Variants in MME observed in about 807,000 individuals in gnomAD.
The protein encoded by MME is neprilysin.
MME carries 98 observed loss-of-function variants against 113.2 expected under a neutral mutation model. That is an observed-to-expected ratio of 0.87 (90% CI 0.74 to 1.02). The LOEUF (loss-of-function observed/expected upper bound fraction) is 1.02. Ranked by LOEUF, MME falls within the 50% of genes least tolerant of loss-of-function variation. MME has a pLI of 0.00. For synonymous variants in MME, 292 were observed against 300.6 expected, an observed-to-expected ratio of 0.97 and a Z score of 0.30; for missense variants, 836 against 896.0, an observed-to-expected ratio of 0.93 and a Z score of 0.86.
intron 1 of MME, among the ~76,000 whole-genome samples, chr3:155,060,902 T>C (rs991396291): frequency 5.3e-5 from 8 of 152,024 alleles, no homozygotes; most frequent in Admixed American, 4.6e-4. Flanking sequence ...TTTCTCTTCT[T>C]ATAAGGACAC....
chr3:155,086,694 TG>T (rs1371638923), intron 3 of MME, among the ~76,000 whole-genome samples: 3 of 152,346 alleles, frequency 2.0e-5, no homozygotes, highest in Admixed American at 6.5e-5. Context: ...ACAATATTTG[TG>T]TCCTTTAACA....
Position 155,084,099 on chromosome 3 carries a change from T to G in MME, c.-10-59T>G, listed in dbSNP as rs1715423460. ...ACTTTTATCCAGCCACATTAAGCAT[T>G]TGGACATTTTCTTTTTTATTTATTT... On this transcript the variant is annotated intron_variant, in intron 1 of 22. Coordinates refer to ENST00000360490, the MANE Select transcript of MME (RefSeq NM_007289.4). 4.4e-6 allele frequency: 6 copies of G among 1,357,228 alleles called. No homozygotes were observed. In the Admixed American group the frequency reaches 1.0e-4, roughly 23 times the overall value. 84.1% of individuals were successfully genotyped at this position (1,357,228 alleles called of 1,614,324 possible).
At chr3:155,118,724 C>A (rs368251173) in intron 7 of MME, 22 bp from the exon 8 acceptor site, 40 of 1,461,680 alleles carry the variant, frequency 2.7e-5, no homozygotes, top group Non-Finnish European at 3.8e-5. Flanking sequence ...GATTTATTTT[C>A]TTTTATGTAT....
At chr3:155,085,758 T>G (rs1715647479) in intron 3 of MME, 1 of 152,308 alleles carries the variant, frequency 6.6e-6, no homozygotes, top group African/African-American at 2.4e-5. Flanking sequence ...TTCGAACTCC[T>G]GCCCTCAGGT....
chr3:155,133,964 G>A (rs146142757), intron 8 of MME, among the ~76,000 whole-genome samples: 293 of 151,408 alleles, frequency 1.9e-3, no homozygotes, highest in African/African-American at 6.8e-3. Context: ...CTGCATGCTT[G>A]TACTTTGGAA....
intron 1 of MME, among the ~76,000 whole-genome samples, chr3:155,031,342 A>T (rs1168603926): frequency 6.6e-6 from 1 of 152,122 alleles, no homozygotes; most frequent in Non-Finnish European, 1.5e-5. Context: ...CCAAATTTAA[A>T]TACATTTTCC....
intron 1 of MME, among the ~76,000 whole-genome samples, chr3:155,043,572 T>G (rs1336187251): frequency 6.6e-6 from 1 of 152,144 alleles, no homozygotes; most frequent in African/African-American, 2.4e-5. Context: ...CCTCAGGTGA[T>G]CCACCCGCCT....
At chr3:155,118,228 G>T (rs1435239962) in intron 7 of MME, among the ~76,000 whole-genome samples, 1 of 152,078 alleles carries the variant, frequency 6.6e-6, no homozygotes, top group Admixed American at 6.6e-5. Context: ...AAAGATTCTG[G>T]AGTTACCTTA....
intron 7 of MME, 111 bp downstream of exon 7, chr3:155,117,097 A>C: frequency 1.3e-6 from 1 of 743,752 alleles, no homozygotes; most frequent in Non-Finnish European, 2.4e-6. Flanking sequence ...TGAATTGAAT[A>C]AGCAAGGAGG....
chr3:155,138,278 C>T (rs1720795381), intron 9 of MME, 42 bp downstream of exon 9: 2 of 1,600,380 alleles, frequency 1.2e-6, no homozygotes, highest in Non-Finnish European at 8.6e-7. Flanking sequence ...ATAATGTCAA[C>T]CGCTTTTTTT....
chr3:155,117,484 G>GT (rs1718718269), intron 7 of MME, among the ~76,000 whole-genome samples: 1 of 151,500 alleles, frequency 6.6e-6, no homozygotes, highest in Non-Finnish European at 1.5e-5. Context: ...TGGATTTATT[G>GT]TATTTTTACA....
At chr3:155,091,758 A>C (rs1450674940) in intron 3 of MME, among the ~76,000 whole-genome samples, 2 of 152,198 alleles carry the variant, frequency 1.3e-5, no homozygotes, top group African/African-American at 4.8e-5. Context: ...AATTTAAAAA[A>C]CCATAAGGAG....
At chr3:155,047,631 C>T (rs954538179) in intron 1 of MME, among the ~76,000 whole-genome samples, 19 of 152,138 alleles carry the variant, frequency 1.2e-4, no homozygotes, top group Admixed American at 6.6e-5. Flanking sequence ...ATATTAGCTG[C>T]ATTAAAGTAT....
At chr3:155,166,811 T>C in intron 17 of MME, 91 bp from the exon 18 acceptor site, 1 of 1,535,006 alleles carries the variant, frequency 6.5e-7, no homozygotes, top group South Asian at 1.1e-5. Flanking sequence ...TAGTCCCAGC[T>C]ACTCCTGAGG....
Position 155,116,930 on chromosome 3 carries a change from CT to C in MME, c.600del (p.Ile201LeufsTer13). On this transcript the variant is annotated frameshift_variant, in exon 7 of 23. Transcript: ENST00000360490. LOFTEE classifies it high-confidence loss of function. ...GAATTCTAAATATGGGAAAAAAGTC[CT>C]TATTAATTTGTTTGTTGGCACTGAT... is the stretch of plus-strand genomic sequence containing the variant. ...QLNSKYGKKV[L>X]INLFVGTDDK... is the part of the protein sequence containing the mutation. 5 of 1,612,202 alleles carry C rather than the reference CT, an allele frequency of 3.1e-6. No homozygotes were observed. The highest frequency in any genetic ancestry group is 1.3e-5 in the African/African-American group (1 of 74,918).
At chr3:155,122,306 CT>C (rs1208061847) in intron 8 of MME, among the ~76,000 whole-genome samples, 6 of 151,102 alleles carry the variant, frequency 4.0e-5, no homozygotes, top group Non-Finnish European at 8.9e-5. Flanking sequence ...ATTCTTCTCT[CT>C]TTTTTTCTTT....
intron 3 of MME, among the ~76,000 whole-genome samples, chr3:155,109,979 C>G (rs1430299610): frequency 1.3e-5 from 2 of 152,208 alleles, no homozygotes; most frequent in Non-Finnish European, 2.9e-5. Context: ...TCTGGTTACT[C>G]CACTATAAAA....
Position 155,142,075 on chromosome 3 carries a change from G to A in MME, c.1042G>A (p.Ala348Thr). ...ITNEEDVVVY[A>T]PEYLTKLKPI... ...AAATGAGGAAGATGTGGTTGTTTAT[G>A]CTCCAGAATATTTAACCAAACTTAA... The change falls in exon 11 of 23, where the codon GCT (alanine) becomes ACT (threonine). Residue 348 changes from alanine (A) to threonine (T), a missense_variant. By Grantham distance (58) the Ala-to-Thr change is moderately conservative (BLOSUM62 0). Transcript: ENST00000360490. 6.2e-7 allele frequency: 1 copy of A among 1,613,816 alleles called. No individual in the cohort carries two copies. The highest frequency in any genetic ancestry group is 8.5e-7 in the Non-Finnish European group (1 of 1,179,792).
intron 1 of MME, among the ~76,000 whole-genome samples, chr3:155,064,988 C>T (rs1323270625): frequency 1.3e-5 from 2 of 152,186 alleles, no homozygotes; most frequent in Non-Finnish European, 2.9e-5. Flanking sequence ...TGTGTGTCTT[C>T]TCTTCATCTT....
Sources: allele counts gnomAD v4.1 joint callset (sites outside exome capture counted in the v4.1 genomes callset), GRCh38; gene constraint gnomAD v4.1.1; transcripts MANE v1.5; gene names NCBI Gene and HGNC (gene_info 2026-07-23, HGNC 2026-07-21).